The following BORCS5 variants were observed in gnomAD, a reference collection of about 807,000 sequenced individuals.
The protein encoded by BORCS5 is BLOC-1-related complex subunit 5.
In BORCS5, 17 loss-of-function variants were observed where a neutral mutation model predicts 22.1. The observed-to-expected ratio is 0.77, with a 90% CI of 0.53 to 1.15. The LOEUF (loss-of-function observed/expected upper bound fraction) is 1.15. Ranked by LOEUF, BORCS5 falls within the 50% of genes most tolerant of loss-of-function variation. BORCS5 has a pLI of 0.00. For synonymous variants in BORCS5, 117 were observed against 99.8 expected (o/e 1.17, Z -1.03); for missense variants, 247 against 253.2 (o/e 0.98, Z 0.17).
chr12:12,360,764 A>C (rs1046931520), intron 1 of BORCS5, among the ~76,000 whole-genome samples: 1 of 151,474 alleles, frequency 6.6e-6, no homozygotes, highest in Admixed American at 6.6e-5. Context: ...TCTGTTGCCC[A>C]GGCTCAAGTG....
At chr12:12,361,428 T>C (rs1014435910) in intron 2 of BORCS5, 79 bp downstream of exon 2, 190 of 1,499,438 alleles carry the variant, frequency 1.3e-4, no homozygotes, top group Admixed American at 5.7e-4. Context: ...TACTTATCCA[T>C]GTATCTTGCT....
intron 2 of BORCS5, among the ~76,000 whole-genome samples, chr12:12,424,365 A>G (rs1459878523): frequency 6.6e-6 from 1 of 152,116 alleles, no homozygotes; most frequent in Non-Finnish European, 1.5e-5. Flanking sequence ...TTTCAGTTCC[A>G]GAACTTATTT....
intron 3 of BORCS5, among the ~76,000 whole-genome samples, chr12:12,440,564 T>C (rs112058667): frequency 0.012 from 1,860 of 150,786 alleles, 26 homozygotes; most frequent in South Asian, 0.027. Flanking sequence ...GAGTTAAAGA[T>C]TGGGATATCC....
At chr12:12,464,851 A>AT (rs146170099) in intron 3 of BORCS5, among the ~76,000 whole-genome samples, 11,001 of 152,090 alleles carry the variant, frequency 0.072, 502 homozygotes, top group Non-Finnish European at 0.094. Flanking sequence ...CCTTGGTTGC[A>AT]TTTTTGGCCC....
In BORCS5 at chr12:12,465,538, A is replaced by T. The variant is rs1943184882; in HGVS notation, c.361-8A>T. On this transcript the variant is annotated splice_polypyrimidine_tract_variant and splice_region_variant and intron_variant, in intron 3 of 3. Transcript: ENST00000314565. ...AAGGTATAATGTACTTCTCTTTCCC[A>T]TCCACAGATGGATCTGTCTGTAGAA... 2 of 1,613,380 alleles carry T rather than the reference A, an allele frequency of 1.2e-6. No homozygotes were observed. The highest frequency in any genetic ancestry group is 1.3e-5 in the African/African-American group (1 of 75,038).
Position 12,470,531 on chromosome 12 carries a change from G to A in BORCS5, c.*4755G>A, listed in dbSNP as rs1490735478. ...TTTGCGCTCCTTATGAGAATCTAAT[G>A]CCTGATGATCTGAGATGGAACGGTT... On this transcript the variant is annotated 3_prime_UTR_variant, in exon 4 of 4. Coordinates refer to ENST00000314565, the MANE Select transcript of BORCS5 (RefSeq NM_058169.6). Among the ~76,000 whole-genome samples, 1 of 152,124 alleles carries A rather than the reference G, an allele frequency of 6.6e-6. No homozygotes were observed. Among genetic ancestry groups the A allele is most frequent in the East Asian group, 1.9e-4 (1 of 5,188 alleles).
intron 3 of BORCS5, among the ~76,000 whole-genome samples, chr12:12,454,017 A>T (rs1942958068): frequency 6.6e-6 from 1 of 152,198 alleles, no homozygotes; most frequent in Non-Finnish European, 1.5e-5. Context: ...AGTATCTCAT[A>T]TCTTTTTATG....
intron 2 of BORCS5, among the ~76,000 whole-genome samples, chr12:12,405,680 G>A (rs531065261): frequency 1.3e-5 from 2 of 152,176 alleles, no homozygotes; most frequent in South Asian, 4.2e-4. Context: ...ATAGTGCCTG[G>A]CATGTAGTTA....
At chr12:12,408,026 A>T (rs184965564) in intron 2 of BORCS5, among the ~76,000 whole-genome samples, 253 of 152,178 alleles carry the variant, frequency 1.7e-3, no homozygotes, top group South Asian at 3.1e-3. Flanking sequence ...ACTATTCTGT[A>T]TGTTTCTTGT....
At chr12:12,462,466 G>C (rs1052311105) in intron 3 of BORCS5, among the ~76,000 whole-genome samples, 7 of 152,250 alleles carry the variant, frequency 4.6e-5, no homozygotes, top group African/African-American at 1.7e-4. Context: ...ATACTGGGTC[G>C]AGGGTAGCCC....
At chr12:12,427,625 A>G (rs767793396) in intron 2 of BORCS5, among the ~76,000 whole-genome samples, 3 of 152,166 alleles carry the variant, frequency 2.0e-5, no homozygotes, top group Non-Finnish European at 2.9e-5. Context: ...TGGGGGTATC[A>G]TAGTCAATTT....
intron 2 of BORCS5, among the ~76,000 whole-genome samples, chr12:12,421,275 G>A (rs1163442714): frequency 6.6e-6 from 1 of 152,090 alleles, no homozygotes; most frequent in East Asian, 1.9e-4. Flanking sequence ...GTTGAATTTT[G>A]TTGAAGGCCT....
intron 2 of BORCS5, among the ~76,000 whole-genome samples, chr12:12,420,528 G>T (rs1409842425): frequency 1.3e-5 from 2 of 152,224 alleles, no homozygotes; most frequent in South Asian, 2.1e-4. Flanking sequence ...GGCAATGCGG[G>T]CTCTTTTTTG....
intron 2 of BORCS5, among the ~76,000 whole-genome samples, chr12:12,376,365 C>G (rs1257450861): frequency 6.6e-6 from 1 of 151,828 alleles, no homozygotes; most frequent in Middle Eastern, 3.2e-3. Flanking sequence ...TCCTGAGTAG[C>G]TGGGACTACA....
chr12:12,417,852 G>A (rs1489407797), intron 2 of BORCS5, among the ~76,000 whole-genome samples: 34 of 151,780 alleles, frequency 2.2e-4, no homozygotes, highest in Non-Finnish European at 8.8e-5. Flanking sequence ...ATGTTGGCTG[G>A]GCTGGTCTCG....
intron 2 of BORCS5, among the ~76,000 whole-genome samples, chr12:12,435,126 C>T (rs1004382644): frequency 1.2e-4 from 18 of 152,148 alleles, no homozygotes; most frequent in African/African-American, 4.1e-4. Flanking sequence ...TAAATGTCTC[C>T]ATTTTAGCAT....
intron 2 of BORCS5, among the ~76,000 whole-genome samples, chr12:12,422,277 C>G (rs1942149910): frequency 7.0e-6 from 1 of 142,300 alleles, no homozygotes; most frequent in African/African-American, 2.5e-5. Context: ...GCTTAGCTTT[C>G]TTTTCTTTTA....
At chr12:12,425,280 A>T (rs190186671) in intron 2 of BORCS5, among the ~76,000 whole-genome samples, 1 of 152,328 alleles carries the variant, frequency 6.6e-6, no homozygotes, top group African/African-American at 2.4e-5. Context: ...CAAGCCTTCA[A>T]TAGACTCTAG....
At chr12:12,448,531 T>C (rs1477567178) in intron 3 of BORCS5, among the ~76,000 whole-genome samples, 1 of 148,934 alleles carries the variant, frequency 6.7e-6, no homozygotes, top group African/African-American at 2.5e-5. Flanking sequence ...TCAATTCTTT[T>C]TTTTTTTTTT....
Sources: allele counts gnomAD v4.1 joint callset (sites outside exome capture counted in the v4.1 genomes callset), GRCh38; gene constraint gnomAD v4.1.1; transcripts MANE v1.5; gene names NCBI Gene and HGNC (gene_info 2026-07-23, HGNC 2026-07-21).